The following PCDHGB1 variants were observed in gnomAD, a reference collection of about 807,000 sequenced individuals.
PCDHGB1 encodes protocadherin gamma-B1.
PCDHGB1 carries 34 observed loss-of-function variants against 56.6 expected under a neutral mutation model. The ratio of observed to expected loss-of-function variants is 0.60; its 90% CI spans 0.46 to 0.80. The LOEUF (loss-of-function observed/expected upper bound fraction) is 0.80. Among genes scored for constraint, PCDHGB1 ranks in the 30% least tolerant of loss-of-function variants. The probability of loss-of-function intolerance (pLI) is 0.00; values close to 1 mark genes in which losing one functional copy is unlikely to be tolerated. For synonymous variants in PCDHGB1, 561 were observed against 505.9 expected (o/e 1.11, Z -1.46); for missense variants, 1,278 against 1,204.6 (o/e 1.06, Z -0.90).
intron 1 of PCDHGB1, chr5:141,427,868 C>T (rs1311930991): frequency 4.5e-6 from 7 of 1,559,298 alleles, no homozygotes; most frequent in African/African-American, 2.7e-5. Context: ...CCTTCGAGCT[C>T]ACGATGCAGG....
chr5:141,438,613 TATATATATATATATATATATATAC>T (rs1240061633), intron 1 of PCDHGB1, among the ~76,000 whole-genome samples: 627 of 36,484 alleles, frequency 0.017, 21 homozygotes, highest in African/African-American at 0.051. Flanking sequence ...TATATATATA[TATATATATATATATATATATATAC>T]ACACACACAC....
intron 1 of PCDHGB1, among the ~76,000 whole-genome samples, chr5:141,472,264 G>A (rs925973401): frequency 1.3e-4 from 20 of 152,068 alleles, no homozygotes; most frequent in African/African-American, 3.6e-4. Context: ...TATTATAGCC[G>A]GGCACAGTGG....
At chr5:141,388,655 G>A (rs375260597) in intron 1 of PCDHGB1, 1 of 1,613,808 alleles carries the variant, frequency 6.2e-7, no homozygotes, top group Non-Finnish European at 8.5e-7. Flanking sequence ...ACGTGTACCC[G>A]GGGACCACGG....
At chr5:141,409,752 A>T in intron 1 of PCDHGB1, 3 of 1,613,020 alleles carry the variant, frequency 1.9e-6, no homozygotes, top group Non-Finnish European at 2.5e-6. Context: ...GTGTTCGCGC[A>T]GCGCGCCTTT....
intron 1 of PCDHGB1, chr5:141,421,919 TG>T: frequency 6.2e-7 from 1 of 1,613,642 alleles, no homozygotes; most frequent in Non-Finnish European, 8.5e-7. Flanking sequence ...CCCATTCGTG[TG>T]GTGGTCCTCG....
chr5:141,431,473 C>T lies in PCDHGB1; in HGVS notation c.2410-63334C>T, dbSNP rs750300971. ...TGATGGTTCTGGATGCGAACGACAA[C>T]GCACCAGCGTTTGCTCAGCCCGAGT... On this transcript the variant is annotated intron_variant, in intron 1 of 3. Coordinates refer to ENST00000523390, the MANE Select transcript of PCDHGB1 (RefSeq NM_018922.3). This position sits in a 1 kb window ranked among gnomAD's most constrained non-coding sequence, Gnocchi z 4.8. 4.3e-6 allele frequency: 7 copies of T among 1,613,832 alleles called. No individual in the cohort carries two copies. The Admixed American group carries it at 1.2e-4, about 27-fold the overall frequency.
chr5:141,417,767 T>G lies in PCDHGB1; in HGVS notation c.2409+65098T>G, dbSNP rs1333916865. 1.3e-5 allele frequency: 19 copies of G among 1,442,000 alleles called. No individual in the cohort carries two copies. The South Asian group carries it at 1.8e-4, about 13-fold the overall frequency. 89.3% of individuals were successfully genotyped at this position (1,442,000 alleles called of 1,614,324 possible). ...GATTGCCAGCTCCGAGACCCGGGAC[T>G]CCTCCTGTCCTGGGCCGAATGCTCT... On this transcript the variant is annotated intron_variant, in intron 1 of 3. Coordinates refer to ENST00000523390, the MANE Select transcript of PCDHGB1 (RefSeq NM_018922.3).
chr5:141,360,869 A>G, intron 1 of PCDHGB1: 1 of 1,614,016 alleles, frequency 6.2e-7, no homozygotes, highest in Non-Finnish European at 8.5e-7. Flanking sequence ...TTCAGCCAGG[A>G]CGTGTACAGG....
intron 1 of PCDHGB1, among the ~76,000 whole-genome samples, chr5:141,447,221 C>A (rs1034853072): frequency 6.6e-6 from 1 of 152,026 alleles, no homozygotes; most frequent in Non-Finnish European, 1.5e-5. Context: ...CTCACTGCAA[C>A]CTCCGCCTCC....
chr5:141,490,597 C>T lies in PCDHGB1; in HGVS notation c.2410-4210C>T, dbSNP rs781077720. Reference sequence around the variant, plus strand: ...TTCAGATGTCAATGACAATGCACCCCGCTTCAACCAGCAGCTTTACACTGC... The same window carrying T: ...TTCAGATGTCAATGACAATGCACCCTGCTTCAACCAGCAGCTTTACACTGC... On this transcript the variant is annotated intron_variant, in intron 1 of 3. Coordinates refer to ENST00000523390, the MANE Select transcript of PCDHGB1 (RefSeq NM_018922.3). The surrounding 1 kb of genome is among the most constrained non-coding windows in gnomAD (Gnocchi z 5.4). The T allele has an allele frequency of 1.2e-5, 20 of 1,614,182 alleles. No homozygotes were observed. The highest frequency in any genetic ancestry group is 3.3e-5 in the Admixed American group (2 of 60,026).
chr5:141,420,956 T>C lies in PCDHGB1; in HGVS notation c.2409+68287T>C, dbSNP rs17097281. 2.2e-3 allele frequency: 904 copies of C among 416,864 alleles called. 5 individuals carry two copies. The highest frequency in any genetic ancestry group is 0.016 in the African/African-American group (760 of 48,560). 25.8% of individuals were successfully genotyped at this position (416,864 alleles called of 1,614,324 possible). A position where few individuals can be genotyped will look rare whatever the true frequency, so the allele number is the denominator to read the frequency against. Reference sequence around the variant, plus strand: ...AATCATTTCTTCTGGAATTTCTTAGTCGTTGCAATAATAAGAATGGGCTCT... The same window carrying C: ...AATCATTTCTTCTGGAATTTCTTAGCCGTTGCAATAATAAGAATGGGCTCT... On this transcript the variant is annotated intron_variant, in intron 1 of 3. Coordinates refer to ENST00000523390, the MANE Select transcript of PCDHGB1 (RefSeq NM_018922.3).
rs1758993649 is a variant in PCDHGB1, at chr5:141,352,374, T to C, written c.2114T>C (p.Leu705Pro). 1 of 1,614,056 alleles carries C rather than the reference T, an allele frequency of 6.2e-7. No homozygotes were observed. The highest frequency in any genetic ancestry group is 1.3e-5 in the African/African-American group (1 of 75,066). Residue 705 changes from leucine (L) to proline (P), a missense_variant, in exon 1 of 4, where the codon CTA (leucine) becomes CCA (proline). Transcript: ENST00000523390. ...GTGCTCTTTCTCCTCGCGGTGATTC[T>C]AGCGATCGCCCTGCGCCTGCGACGT... ...ISVLFLLAVI[L>P]AIALRLRRSS...
chr5:141,391,872 CTT>C (rs1248262671), intron 1 of PCDHGB1: 1 of 152,168 alleles, frequency 6.6e-6, no homozygotes, highest in East Asian at 1.9e-4. Context: ...TTAATCATCT[CTT>C]TGGTGAAAGG....
rs549051669 is a variant in PCDHGB1, at chr5:141,450,866, C to A, written c.2410-43941C>A. 4.7e-5 allele frequency among the ~76,000 whole-genome samples: 7 copies of A among 149,836 alleles called. No homozygotes were observed. In the East Asian group the frequency reaches 1.4e-3, roughly 29 times the overall value. On this transcript the variant is annotated intron_variant, in intron 1 of 3. Transcript: ENST00000523390. ...TTGAGATGGGGTCTTGCTCTGTCAC[C>A]CAGGCTGGTGTGCAGTGGTGCGATA...
chr5:141,403,247 A>T, intron 1 of PCDHGB1: 1 of 1,613,910 alleles, frequency 6.2e-7, no homozygotes, highest in Middle Eastern at 1.6e-4. Flanking sequence ...CTGTGCTCAG[A>T]GCCCGCGGTG....
intron 1 of PCDHGB1, among the ~76,000 whole-genome samples, chr5:141,457,424 C>T (rs1261475379): frequency 6.6e-6 from 1 of 152,068 alleles, no homozygotes; most frequent in Non-Finnish European, 1.5e-5. Context: ...TCCCTTTTTC[C>T]CCCCCACCAA....
rs1032345173 is a variant in PCDHGB1 at position 141,468,852 on chromosome 5, C to T, written c.2410-25955C>T. Among the ~76,000 whole-genome samples the T allele has an allele frequency of 7.2e-5, 11 of 151,868 alleles. No individual in the cohort carries two copies. In the East Asian group the frequency reaches 9.7e-4, roughly 13 times the overall value. On this transcript the variant is annotated intron_variant, in intron 1 of 3. Transcript: ENST00000523390. ...CTGCACTCCAGCCTGGGCAACAGAG[C>T]GAGACTCCATCTCAAAAATAATAAT... is the stretch of plus-strand genomic sequence containing the variant.
In PCDHGB1 at chr5:141,491,463, C is replaced by CT. The variant is rs765984397; in HGVS notation, c.2410-3343dup. The CT allele has an allele frequency of 6.2e-7, 1 of 1,614,112 alleles. No homozygotes were observed. Among genetic ancestry groups the CT allele is most frequent in the Non-Finnish European group, 8.5e-7 (1 of 1,180,010 alleles). ...GCCAGGACTCACCCTCCCCGGACTT[C>CT]TATAAGCAGTCCAGCCCCAACCTGC... On this transcript the variant is annotated intron_variant, in intron 1 of 3. Coordinates refer to ENST00000523390, the MANE Select transcript of PCDHGB1 (RefSeq NM_018922.3). This position sits in a 1 kb window ranked among gnomAD's most constrained non-coding sequence, Gnocchi z 6.9.
At chr5:141,505,348 G>A (rs1414647950) in intron 2 of PCDHGB1, 45 bp from the exon 3 acceptor site, 1 of 1,613,358 alleles carries the variant, frequency 6.2e-7, no homozygotes, top group Admixed American at 1.7e-5. Context: ...GGCATGAGCT[G>A]TGCCGGCCTG....
Sources: allele counts gnomAD v4.1 joint callset (sites outside exome capture counted in the v4.1 genomes callset), GRCh38; gene constraint gnomAD v4.1.1; non-coding constraint Gnocchi (gnomAD v3.1); transcripts MANE v1.5; gene names NCBI Gene and HGNC (gene_info 2026-07-23, HGNC 2026-07-21).